The following DNAH6 variants were observed in gnomAD, a reference collection of about 807,000 sequenced individuals.
DNAH6 encodes the protein dynein axonemal heavy chain 6, also known as axonemal beta dynein heavy chain 6.
A neutral mutation model predicts 491.4 loss-of-function variants in DNAH6; 340 were observed. The observed-to-expected ratio is 0.69, with a 90% CI of 0.63 to 0.76. DNAH6 has a LOEUF of 0.76. DNAH6 is among the 30% of genes least tolerant of loss of function. The pLI, the probability that DNAH6 is intolerant of heterozygous loss-of-function variation, is 0.00. For missense variants in DNAH6, 4,443 were observed against 4,972.2 expected (o/e 0.89, Z 3.20); for synonymous variants, 1,603 against 1,686.1 (o/e 0.95, Z 1.21).
intron 22 of DNAH6, among the ~76,000 whole-genome samples, chr2:84,612,289 A>G (rs1686418756): frequency 1.4e-5 from 2 of 139,646 alleles, no homozygotes; most frequent in African/African-American, 6.6e-5. Flanking sequence ...CATTAAAACT[A>G]GTAAAAATAT....
intron 18 of DNAH6, among the ~76,000 whole-genome samples, chr2:84,602,520 T>C (rs72941060): frequency 0.032 from 4,601 of 143,836 alleles, 280 homozygotes; most frequent in African/African-American, 0.11. Context: ...GTCTGGCTAC[T>C]TTCAAGATTT....
the DNAH6 span, among the ~76,000 whole-genome samples, chr2:84,476,344 C>A: frequency 6.6e-6 from 1 of 152,164 alleles, no homozygotes; most frequent in Non-Finnish European, 1.5e-5. Flanking sequence ...TATAGCACCA[C>A]CAATTGCTCC....
At chr2:84,768,439 A>C (rs1675293019) in intron 64 of DNAH6, among the ~76,000 whole-genome samples, 1 of 152,054 alleles carries the variant, frequency 6.6e-6, no homozygotes, top group South Asian at 2.1e-4. Context: ...TATTAAAAAA[A>C]AAACTTTTGC....
At chr2:84,650,915 G>A (rs1293857298) in intron 33 of DNAH6, among the ~76,000 whole-genome samples, 4 of 152,188 alleles carry the variant, frequency 2.6e-5, no homozygotes, top group Non-Finnish European at 2.9e-5. Flanking sequence ...ATTTTAGCTG[G>A]CTTTTCCTGA....
At chr2:84,466,699 A>C in the DNAH6 span, among the ~76,000 whole-genome samples, 1 of 152,214 alleles carries the variant, frequency 6.6e-6, no homozygotes, top group Non-Finnish European at 1.5e-5. Context: ...GTCTCCACTT[A>C]TCAGAAAACC....
rs569727377 is a variant in DNAH6, at chr2:84,815,998, A to G, written c.12288A>G (p.Pro4096=). The G allele has an allele frequency of 2.6e-5, 41 of 1,551,898 alleles. No individual in the cohort carries two copies. Among genetic ancestry groups the G allele is most frequent in the South Asian group, 2.0e-4 (17 of 84,058 alleles). Residue 4096 remains proline, a synonymous_variant, in exon 76 of 77, where the codon CCA becomes CCG. Transcript: ENST00000389394. The stretch of plus-strand genomic sequence containing the variant: ...TGCTGCCTGTGGTGCATTTTGAACC[A>G]CAACAAAACTATAAGCCAAGCCCAA... ...NPVLPVVHFE[P]QQNYKPSPTL...
chr2:84,598,965 G>T (rs1684954780), intron 18 of DNAH6, among the ~76,000 whole-genome samples: 1 of 150,730 alleles, frequency 6.6e-6, no homozygotes, highest in Non-Finnish European at 1.5e-5. Context: ...GGGAGGTGGA[G>T]GTTTCAGTGA....
Position 84,727,888 on chromosome 2 carries a change from G to T in DNAH6, c.10192G>T (p.Ala3398Ser), listed in dbSNP as rs1428530096. 3.2e-6 allele frequency: 5 copies of T among 1,550,034 alleles called. No homozygotes were observed. In the East Asian group the frequency reaches 1.2e-4, roughly 38 times the overall value. The change falls in exon 61 of 77, where the codon GCA becomes TCA. Residue 3398 changes from alanine (A) to serine (S), a missense_variant. By Grantham distance (99) the Ala-to-Ser change is moderately conservative. This residue lies in a region of DNAH6 where 1,463 missense variants were observed against 1,656.6 expected (regional missense o/e 0.88). Coordinates refer to ENST00000389394, the MANE Select transcript of DNAH6 (RefSeq NM_001370.2). ...ATGGAATTTCTTTCTCCGAGGTTCT[G>T]CAGGATTGGAAAAGGTACCTGATTC... ...AEWNFFLRGSAGLEKERPPKP... is the reference protein window; with the variant it reads ...AEWNFFLRGSSGLEKERPPKP...
chr2:84,674,673 A>G (rs1693062235), intron 40 of DNAH6, among the ~76,000 whole-genome samples: 1 of 152,220 alleles, frequency 6.6e-6, no homozygotes, highest in Admixed American at 6.5e-5. Context: ...AAATAAGTTT[A>G]TCTAACTTTA....
At chr2:84,561,395 GA>G (rs1680656135) in intron 11 of DNAH6, among the ~76,000 whole-genome samples, 1 of 152,124 alleles carries the variant, frequency 6.6e-6, no homozygotes, top group African/African-American at 2.4e-5. Context: ...ATTCAAGATG[GA>G]TTAAAAACTT....
Position 84,722,785 on chromosome 2 carries a change from C to A in DNAH6, c.9953C>A (p.Ser3318Ter), listed in dbSNP as rs1307441305. 2 of 1,496,422 alleles carry A rather than the reference C, an allele frequency of 1.3e-6. No individual in the cohort carries two copies. The highest frequency in any genetic ancestry group is 1.8e-6 in the Non-Finnish European group (2 of 1,125,010). The allele number at this position is 1,496,422 out of a possible 1,614,324, so 92.7% of individuals were successfully genotyped here. A position where few individuals can be genotyped will look rare whatever the true frequency, so the allele number is the denominator to read the frequency against. ...GAAATAGATCCTATGTACCAGTACT[C>A]ATTAAAATACTTTAAACAGGTAAGT... ...LSEIDPMYQYSLKYFKQLFNT... is the reference protein window; with the variant it reads ...LSEIDPMYQY Residue 3318 changes from serine (S) to a stop codon, truncating the protein, a stop_gained, in exon 60 of 77, where the codon TCA (serine) becomes TAA (stop). Coordinates refer to ENST00000389394, the MANE Select transcript of DNAH6 (RefSeq NM_001370.2). LOFTEE classifies it high-confidence loss of function.
At chr2:84,715,437 G>C in intron 57 of DNAH6, 123 bp from the exon 58 acceptor site, 7 of 795,914 alleles carry the variant, frequency 8.8e-6, no homozygotes, top group Non-Finnish European at 1.4e-5. Context: ...GTGGGGGTAG[G>C]TGTGTGTGCA....
chr2:84,792,703 C>G (rs1677892445), intron 68 of DNAH6, among the ~76,000 whole-genome samples: 1 of 152,146 alleles, frequency 6.6e-6, no homozygotes, highest in South Asian at 2.1e-4. Flanking sequence ...CCTGAAAGGC[C>G]TATGTGTCTT....
At chr2:84,537,069 G>T (rs1410227755) in intron 4 of DNAH6, among the ~76,000 whole-genome samples, 1 of 151,966 alleles carries the variant, frequency 6.6e-6, no homozygotes, top group African/African-American at 2.4e-5. Flanking sequence ...AACATTCAAA[G>T]TTTGAGAAGC....
intron 64 of DNAH6, among the ~76,000 whole-genome samples, chr2:84,779,469 T>C (rs769021319): frequency 2.6e-5 from 4 of 152,226 alleles, no homozygotes; most frequent in Non-Finnish European, 5.9e-5. Flanking sequence ...CTTCCTCTTC[T>C]CTTGTTTTCC....
intron 37 of DNAH6, among the ~76,000 whole-genome samples, chr2:84,663,175 G>A (rs138512397): frequency 1.0e-3 from 154 of 152,318 alleles, no homozygotes; most frequent in African/African-American, 3.5e-3. Context: ...AAAAATCAGA[G>A]CACCTCTTCT....
Position 84,659,160 on chromosome 2 carries a change from TG to T in DNAH6, c.6076del (p.Asp2026MetfsTer56). Reference sequence around the variant, plus strand: ...TTAGAACACAATTTGATGATAATCCTGATGCCAGGGTAAGAACCAAATAAAT... The same window carrying T: ...TTAGAACACAATTTGATGATAATCCTATGCCAGGGTAAGAACCAAATAAAT... ...FIRTQFDDNP[D>X]ARLPNSGDLW... On this transcript the variant is annotated frameshift_variant, in exon 37 of 77. Transcript: ENST00000389394. LOFTEE classifies it high-confidence loss of function. 1 of 1,457,630 alleles carries T rather than the reference TG, an allele frequency of 6.9e-7. No homozygotes were observed. The highest frequency in any genetic ancestry group is 1.4e-5 in the South Asian group (1 of 71,672). 90.3% of individuals were successfully genotyped at this position (1,457,630 alleles called of 1,614,324 possible).
intron 11 of DNAH6, among the ~76,000 whole-genome samples, chr2:84,559,453 G>A (rs999953860): frequency 2.0e-5 from 3 of 152,164 alleles, no homozygotes; most frequent in Non-Finnish European, 4.4e-5. Flanking sequence ...AGGCTGAGGT[G>A]GGAAGGTCAC....
At chr2:84,708,477 G>T (rs1420125756) in intron 54 of DNAH6, among the ~76,000 whole-genome samples, 1 of 99,584 alleles carries the variant, frequency 1.0e-5, no homozygotes, top group Non-Finnish European at 1.9e-5. Flanking sequence ...AGAGAGAAAG[G>T]GGGGGGGGAG....
Sources: gnomAD v4.1 joint callset for allele counts (sites outside exome capture counted in the v4.1 genomes callset) on GRCh38, gnomAD v4.1.1 for gene constraint, gnomAD v4.1.1 regional missense constraint, MANE v1.5 for transcripts, NCBI Gene and HGNC (gene_info 2026-07-23, HGNC 2026-07-21) for gene names.